GLDC: variants seen among roughly 807,000 people sequenced by gnomAD.
The protein encoded by GLDC is glycine dehydrogenase (decarboxylating), mitochondrial.
GLDC carries 104 observed loss-of-function variants against 121.3 expected under a neutral mutation model. The observed-to-expected ratio is 0.86, with a 90% confidence interval of 0.73 to 1.01. The LOEUF is 1.01. Ranked by LOEUF, GLDC falls within the 50% of genes least tolerant of loss-of-function variation. The pLI, the probability that GLDC is intolerant of heterozygous loss-of-function variation, is 0.00. For missense variants in GLDC, 1,429 were observed against 1,306.6 expected (o/e 1.09, Z -1.44); for synonymous variants, 546 against 480.6 (o/e 1.14, Z -1.78).
chr9:6,586,099 C>G (rs1233461492), intron 15 of GLDC, among the ~76,000 whole-genome samples: 1 of 152,066 alleles, frequency 6.6e-6, no homozygotes, highest in East Asian at 1.9e-4. Context: ...AGTTAGAGAC[C>G]AGCCTGACCA....
Position 6,644,455 on chromosome 9 carries a change from A to G in GLDC, c.334+159T>C, listed in dbSNP as rs953636644. ...GTCTGCTCCGAGAACCAAATATCCCACCTTCCCGCGGCTCCGGAGGTACCC... is the reference window on the plus strand; with the variant it reads ...GTCTGCTCCGAGAACCAAATATCCCGCCTTCCCGCGGCTCCGGAGGTACCC... On this transcript the variant is annotated intron_variant, in intron 2 of 24. Transcript: ENST00000321612. 8.9e-6 allele frequency: 6 copies of G among 673,554 alleles called. No individual in the cohort carries two copies. In the South Asian group the frequency reaches 9.7e-5, roughly 11 times the overall value. The allele number at this position is 673,554 out of a possible 1,614,324, so 41.7% of individuals were successfully genotyped here.
chr9:6,533,284 C>A, intron 24 of GLDC, 124 bp from the exon 25 acceptor site: 2 of 863,354 alleles, frequency 2.3e-6, no homozygotes, highest in Non-Finnish European at 4.0e-6. Context: ...TTCTGAGAAC[C>A]TAAAATCCAA....
At chr9:6,565,939 GT>G (rs1817846884) in intron 15 of GLDC, 1 of 205,794 alleles carries the variant, frequency 4.9e-6, no homozygotes, top group Non-Finnish European at 9.9e-6. Flanking sequence ...GATAAGTATT[GT>G]TTTTAAAAAT....
rs571530523 is a variant in GLDC, at chr9:6,560,192, CCATGATTACCCTGAAAAT to C, written c.1927-1526_1927-1509del. Among the ~76,000 whole-genome samples, 426 of 152,292 alleles carry C rather than the reference CCATGATTACCCTGAAAAT, an allele frequency of 2.8e-3. 3 individuals are homozygous for C. Among genetic ancestry groups the C allele is most frequent in the Middle Eastern group, 6.8e-3 (2 of 294 alleles). ...CCCAACAAAAAGCATCAAGGAGAAG[CCATGATTACCCTGAAAAT>C]CATCCTCCTATTTTTTATCCCACAG... On this transcript the variant is annotated intron_variant, in intron 16 of 24. Coordinates refer to ENST00000321612, the MANE Select transcript of GLDC (RefSeq NM_000170.3).
chr9:6,570,190 T>G (rs1817932010), intron 15 of GLDC, among the ~76,000 whole-genome samples: 1 of 152,196 alleles, frequency 6.6e-6, no homozygotes, highest in African/African-American at 2.4e-5. Flanking sequence ...AAACTCCCAC[T>G]GAATCACATT....
chr9:6,562,464 G>A (rs1817777648), intron 16 of GLDC, among the ~76,000 whole-genome samples: 1 of 152,126 alleles, frequency 6.6e-6, no homozygotes, highest in Admixed American at 6.5e-5. Flanking sequence ...TATTGTGTGG[G>A]AGCAGCTGCC....
intron 15 of GLDC, among the ~76,000 whole-genome samples, chr9:6,570,471 G>T (rs1266824773): frequency 1.3e-5 from 2 of 152,080 alleles, no homozygotes; most frequent in East Asian, 1.9e-4. Flanking sequence ...TGCACGGATG[G>T]CCACCTTTAG....
At chr9:6,587,366 G>A in intron 14 of GLDC, 83 bp from the exon 15 acceptor site, 1 of 1,080,228 alleles carries the variant, frequency 9.3e-7, no homozygotes, top group Non-Finnish European at 1.4e-6. Context: ...TGACGATGAT[G>A]AGAAAAGCTA....
chr9:6,580,226 C>G (rs769704451), intron 15 of GLDC, among the ~76,000 whole-genome samples: 3 of 152,214 alleles, frequency 2.0e-5, no homozygotes, highest in Non-Finnish European at 4.4e-5. Flanking sequence ...CTCCTTGACT[C>G]TTGCAGGCTC....
Position 6,587,050 on chromosome 9 carries a change from CA to C in GLDC, c.1850+90del. On this transcript the variant is annotated intron_variant, in intron 15 of 24. Coordinates refer to ENST00000321612, the MANE Select transcript of GLDC (RefSeq NM_000170.3). ...CTGTCTAGCAAGTCACAGAATAACA[CA>C]AAAAAGTTGTTGTTCTAAGCCTTTA... 3 of 1,064,492 alleles carry C rather than the reference CA, an allele frequency of 2.8e-6. No homozygotes were observed. In the East Asian group the frequency reaches 7.1e-5, roughly 25 times the overall value. 65.9% of individuals were successfully genotyped at this position (1,064,492 alleles called of 1,614,324 possible). A position where few individuals can be genotyped will look rare whatever the true frequency, so the allele number is the denominator to read the frequency against.
At chr9:6,586,688 C>T (rs989791925) in intron 15 of GLDC, among the ~76,000 whole-genome samples, 1 of 152,194 alleles carries the variant, frequency 6.6e-6, no homozygotes, top group African/African-American at 2.4e-5. Flanking sequence ...AAAATTCACA[C>T]CCAGGTGTTG....
rs189987755 is a variant in GLDC, at chr9:6,593,262, G to A, written c.1262-272C>T. On this transcript the variant is annotated intron_variant, in intron 9 of 24. Transcript: ENST00000321612. ...TTCTCAAGAAATGGGGGAGCAGGTA[G>A]TATCAGATATATATATATATATATA... 0.019 allele frequency among the ~76,000 whole-genome samples: 2,799 copies of A among 144,950 alleles called. 83 individuals carry two copies. Among genetic ancestry groups the A allele is most frequent in the African/African-American group, 0.067 (2,656 of 39,878 alleles).
At chr9:6,571,887 G>C (rs1236012548) in intron 15 of GLDC, among the ~76,000 whole-genome samples, 3 of 152,096 alleles carry the variant, frequency 2.0e-5, no homozygotes, top group Non-Finnish European at 1.5e-5. Flanking sequence ...ATAGAATCCA[G>C]AAATAGATCC....
At chr9:6,596,134 G>C (rs1427118206) in intron 8 of GLDC, among the ~76,000 whole-genome samples, 2 of 152,174 alleles carry the variant, frequency 1.3e-5, no homozygotes, top group Admixed American at 1.3e-4. Flanking sequence ...CTGAGGTAAA[G>C]AATCTGTGAC....
At chr9:6,568,664 A>G (rs1236224600) in intron 15 of GLDC, among the ~76,000 whole-genome samples, 1 of 151,878 alleles carries the variant, frequency 6.6e-6, no homozygotes. Flanking sequence ...CCTGGCCAAC[A>G]TGGTGAAACC....
intron 15 of GLDC, chr9:6,584,943 G>A (rs1172452425): frequency 6.6e-6 from 1 of 152,204 alleles, no homozygotes; most frequent in Non-Finnish European, 1.5e-5. Flanking sequence ...AGAACACCAG[G>A]TATGTAGGGA....
intron 7 of GLDC, among the ~76,000 whole-genome samples, chr9:6,603,727 CT>C (rs150768218): frequency 7.0e-6 from 1 of 143,120 alleles, no homozygotes; most frequent in Non-Finnish European, 1.5e-5. Flanking sequence ...CTTTTTTTTC[CT>C]TTTTTTTCTT....
At chr9:6,566,347 G>T (rs1431097666) in intron 15 of GLDC, 1 of 151,488 alleles carries the variant, frequency 6.6e-6, no homozygotes, top group East Asian at 1.9e-4. Flanking sequence ...AATGGGTAAT[G>T]TGTCAACATC....
chr9:6,535,660 G>A (rs1420588903), intron 23 of GLDC, among the ~76,000 whole-genome samples: 2 of 151,982 alleles, frequency 1.3e-5, no homozygotes, highest in African/African-American at 4.8e-5. Context: ...CCCAACATGG[G>A]GCATAAACAT....
Sources: gnomAD v4.1 joint callset for allele counts (sites outside exome capture counted in the v4.1 genomes callset) on GRCh38, gnomAD v4.1.1 for gene constraint, MANE v1.5 for transcripts, NCBI Gene and HGNC (gene_info 2026-07-23, HGNC 2026-07-21) for gene names.